Variants in PDE3A observed in about 807,000 individuals in gnomAD.
The protein encoded by PDE3A is phosphodiesterase 3A, also known as cGMP-inhibited 3',5'-cyclic phosphodiesterase 3A.
In PDE3A, 43 loss-of-function variants were observed where a neutral mutation model predicts 98.3. The observed-to-expected ratio is 0.44, with a 90% CI of 0.34 to 0.56. The LOEUF (loss-of-function observed/expected upper bound fraction) is 0.56, where lower values mean the gene tolerates loss of function less well. Among genes scored for constraint, PDE3A ranks in the 20% least tolerant of loss-of-function variants. The pLI, the probability that PDE3A is intolerant of heterozygous loss-of-function variation, is 0.01. For synonymous variants in PDE3A, 663 were observed against 567.9 expected (o/e 1.17, Z -2.38); for missense variants, 1,427 against 1,440.7 (o/e 0.99, Z 0.15).
intron 2 of PDE3A, among the ~76,000 whole-genome samples, chr12:20,577,054 G>A (rs955122501): frequency 1.3e-5 from 2 of 151,964 alleles, no homozygotes; most frequent in African/African-American, 2.4e-5. Flanking sequence ...TACTTTAGAG[G>A]GGGAAAATAT....
At chr12:20,551,597 G>C in intron 1 of PDE3A, 1 of 1,554,602 alleles carries the variant, frequency 6.4e-7, no homozygotes, top group Non-Finnish European at 8.7e-7. Flanking sequence ...CTGTGCGGGG[G>C]CCGGCAGGAC....
chr12:20,677,108 C>A (rs559769309), intron 15 of PDE3A, among the ~76,000 whole-genome samples: 1 of 152,100 alleles, frequency 6.6e-6, no homozygotes, highest in African/African-American at 2.4e-5. Context: ...CTTTCTTCAA[C>A]TTGATATAGT....
chr12:20,461,159 G>A (rs565657819), intron 1 of PDE3A, among the ~76,000 whole-genome samples: 236 of 147,838 alleles, frequency 1.6e-3, no homozygotes, highest in Non-Finnish European at 2.7e-3. Flanking sequence ...TTGGAGCTAG[G>A]ATGCTTTCAT....
At chr12:20,383,582 T>G (rs1943697553) in intron 1 of PDE3A, among the ~76,000 whole-genome samples, 1 of 152,042 alleles carries the variant, frequency 6.6e-6, no homozygotes. Context: ...GAATGATCTT[T>G]CAGTCTAGTC....
chr12:20,516,000 G>A (rs368488248), intron 1 of PDE3A, among the ~76,000 whole-genome samples: 16 of 151,262 alleles, frequency 1.1e-4, no homozygotes, highest in African/African-American at 1.9e-4. Context: ...CCAAAGTGCT[G>A]GGATTACAGG....
chr12:20,622,833 G>A lies in PDE3A; in HGVS notation c.1540+1422G>A, dbSNP rs1009768263. On this transcript the variant is annotated intron_variant, in intron 5 of 15. Transcript: ENST00000359062. Reference sequence around the variant, plus strand: ...AAATATATATGGATACTTTTGGAAGGGAAGCATCACCAGTTAAGGGCCATG... The same window carrying A: ...AAATATATATGGATACTTTTGGAAGAGAAGCATCACCAGTTAAGGGCCATG... Among the ~76,000 whole-genome samples, 13 of 152,076 alleles carry A rather than the reference G, an allele frequency of 8.5e-5. No individual in the cohort carries two copies. The South Asian group carries it at 1.7e-3, about 19-fold the overall frequency.
intron 15 of PDE3A, among the ~76,000 whole-genome samples, chr12:20,663,364 C>T (rs150580611): frequency 3.9e-5 from 6 of 152,182 alleles, no homozygotes; most frequent in African/African-American, 1.2e-4. Context: ...CTCCAGACCC[C>T]GGAATGGTAG....
chr12:20,660,371 G>A (rs1945137528), intron 15 of PDE3A, among the ~76,000 whole-genome samples: 1 of 152,182 alleles, frequency 6.6e-6, no homozygotes, highest in Non-Finnish European at 1.5e-5. Context: ...GTGGGGTGCT[G>A]ATATAAAGAT....
chr12:20,464,540 A>C (rs2120939240), intron 1 of PDE3A, among the ~76,000 whole-genome samples: 1 of 152,266 alleles, frequency 6.6e-6, no homozygotes, highest in African/African-American at 2.4e-5. Context: ...GGCCCAAGAA[A>C]TATACTCTAT....
intron 1 of PDE3A, among the ~76,000 whole-genome samples, chr12:20,487,257 T>C (rs1416385962): frequency 1.3e-5 from 2 of 152,062 alleles, no homozygotes; most frequent in African/African-American, 4.8e-5. Context: ...CAAAATTCCA[T>C]TTAACTGATT....
chr12:20,653,485 C>T (rs1435427928), intron 14 of PDE3A, among the ~76,000 whole-genome samples: 3 of 152,014 alleles, frequency 2.0e-5, no homozygotes, highest in Admixed American at 1.3e-4. Context: ...GCCTCAGCCT[C>T]CCAAGTAGCT....
At chr12:20,422,080 C>T (rs1264998651) in intron 1 of PDE3A, among the ~76,000 whole-genome samples, 2 of 152,210 alleles carry the variant, frequency 1.3e-5, no homozygotes. Context: ...GGCGCAATGG[C>T]TCACGCCTGT....
intron 1 of PDE3A, among the ~76,000 whole-genome samples, chr12:20,411,278 A>T (rs1450815076): frequency 6.6e-6 from 1 of 152,240 alleles, no homozygotes; most frequent in East Asian, 1.9e-4. Context: ...GAAACACTGT[A>T]CCCACTAAGA....
At chr12:20,392,787 C>T (rs1159244622) in intron 1 of PDE3A, among the ~76,000 whole-genome samples, 2 of 152,026 alleles carry the variant, frequency 1.3e-5, no homozygotes, top group East Asian at 1.9e-4. Flanking sequence ...CAATGGAATA[C>T]TATTCAGCCT....
At chr12:20,639,823 T>C (rs375651009) in intron 9 of PDE3A, 23 bp from the exon 10 acceptor site, 3 of 1,071,190 alleles carry the variant, frequency 2.8e-6, no homozygotes, top group Non-Finnish European at 4.4e-6. Flanking sequence ...GGATGTTTCA[T>C]AAGGCTTTGT....
At chr12:20,567,355 G>A (rs892727232) in intron 2 of PDE3A, among the ~76,000 whole-genome samples, 7 of 151,892 alleles carry the variant, frequency 4.6e-5, no homozygotes, top group Non-Finnish European at 7.4e-5. Flanking sequence ...AAGCCAAGAA[G>A]CCTTTTGTTT....
rs1053057531 is a variant in PDE3A at position 20,482,844 on chromosome 12, T to C, written c.961-73816T>C. 1.4e-4 allele frequency among the ~76,000 whole-genome samples: 21 copies of C among 152,346 alleles called. No homozygotes were observed. In the East Asian group the frequency reaches 4.1e-3, roughly 29 times the overall value. On this transcript the variant is annotated intron_variant, in intron 1 of 15. Transcript: ENST00000359062. Reference sequence around the variant, plus strand: ...GTACTACAGATTTAATTTGCAACAATTGCTTAATTTTTAGTTGGTTGCTTC... The same window carrying C: ...GTACTACAGATTTAATTTGCAACAACTGCTTAATTTTTAGTTGGTTGCTTC...
At position 20,660,048 on chromosome 12, in the gene PDE3A, T is replaced by A. The variant is rs553603796; in HGVS notation, c.3184+5843T>A. Among the ~76,000 whole-genome samples, 80 of 152,182 alleles carry A rather than the reference T, an allele frequency of 5.3e-4. 1 individual carries two copies. Among genetic ancestry groups the A allele is most frequent in the Middle Eastern group, 6.8e-3 (2 of 294 alleles). On this transcript the variant is annotated intron_variant, in intron 15 of 15. Coordinates refer to ENST00000359062, the MANE Select transcript of PDE3A (RefSeq NM_000921.5). Reference sequence around the variant, plus strand: ...TAGTTCCCATAATCCCCATGTGTCGTGGGAGGGACCTGGTGGGAGGTAATC... The same window carrying A: ...TAGTTCCCATAATCCCCATGTGTCGAGGGAGGGACCTGGTGGGAGGTAATC...
At chr12:20,615,866 C>T (rs1187876443) in intron 3 of PDE3A, among the ~76,000 whole-genome samples, 1 of 152,068 alleles carries the variant, frequency 6.6e-6, no homozygotes, top group Non-Finnish European at 1.5e-5. Flanking sequence ...ACTGAGATTA[C>T]AGGCACCCAC....
Sources: allele counts gnomAD v4.1 joint callset (sites outside exome capture counted in the v4.1 genomes callset), GRCh38; gene constraint gnomAD v4.1.1; transcripts MANE v1.5; gene names NCBI Gene and HGNC (gene_info 2026-07-23, HGNC 2026-07-21).